The following AUTS2 variants were observed in gnomAD, a reference collection of about 807,000 sequenced individuals.
AUTS2 encodes the protein autism susceptibility gene 2 protein.
A neutral mutation model predicts 112.4 loss-of-function variants in AUTS2; 17 were observed. The observed-to-expected ratio is 0.15, with a 90% CI of 0.10 to 0.23. AUTS2 has a LOEUF of 0.23. Ranked by LOEUF, AUTS2 falls within the 10% of genes least tolerant of loss-of-function variation. The pLI, the probability that AUTS2 is intolerant of heterozygous loss-of-function variation, is 1.00. For missense variants in AUTS2, 1,510 were observed against 1,701.6 expected (o/e 0.89, Z 1.98); for synonymous variants, 751 against 702.7 (o/e 1.07, Z -1.09).
At chr7:70,590,879 T>A (rs552595152) in intron 5 of AUTS2, among the ~76,000 whole-genome samples, 24 of 152,282 alleles carry the variant, frequency 1.6e-4, no homozygotes, top group African/African-American at 5.1e-4. Context: ...CCTTTCAGAG[T>A]GCCATCGGTT....
chr7:70,174,730 G>A (rs1808893151), intron 4 of AUTS2, among the ~76,000 whole-genome samples: 1 of 152,178 alleles, frequency 6.6e-6, no homozygotes, highest in South Asian at 2.1e-4. Flanking sequence ...AAGCTGGGAT[G>A]ACAGCACATC....
At chr7:69,911,376 A>G (rs1046164109) in intron 2 of AUTS2, among the ~76,000 whole-genome samples, 2 of 152,172 alleles carry the variant, frequency 1.3e-5, no homozygotes, top group Non-Finnish European at 2.9e-5. Context: ...GGGCTCCCTA[A>G]AGGGCCGCAG....
At chr7:70,096,766 G>A (rs1804229811) in intron 2 of AUTS2, among the ~76,000 whole-genome samples, 1 of 152,066 alleles carries the variant, frequency 6.6e-6, no homozygotes, top group Non-Finnish European at 1.5e-5. Flanking sequence ...TCAGAAGGAG[G>A]ATAATGCTGA....
intron 5 of AUTS2, among the ~76,000 whole-genome samples, chr7:70,467,753 T>C (rs1455907148): frequency 6.6e-6 from 1 of 152,194 alleles, no homozygotes; most frequent in Non-Finnish European, 1.5e-5. Context: ...ACTGGCATCT[T>C]ACAGGCCTGA....
intron 5 of AUTS2, among the ~76,000 whole-genome samples, chr7:70,677,866 A>G (rs1807999541): frequency 6.6e-6 from 1 of 152,032 alleles, no homozygotes; most frequent in East Asian, 1.9e-4. Flanking sequence ...GGTGGATCAC[A>G]AGGTCAGGAG....
At chr7:69,827,995 G>T (rs1056559253) in intron 1 of AUTS2, among the ~76,000 whole-genome samples, 6 of 152,210 alleles carry the variant, frequency 3.9e-5, no homozygotes, top group Middle Eastern at 3.2e-3. Flanking sequence ...CATAATACAG[G>T]CTGGGGACCA....
chr7:69,915,698 G>A (rs1795548903), intron 2 of AUTS2, among the ~76,000 whole-genome samples: 1 of 152,144 alleles, frequency 6.6e-6, no homozygotes, highest in Non-Finnish European at 1.5e-5. Context: ...GATGCAAGTA[G>A]ACCTTCAGAA....
chr7:70,325,314 C>T (rs1451309006), intron 4 of AUTS2, among the ~76,000 whole-genome samples: 1 of 151,946 alleles, frequency 6.6e-6, no homozygotes, highest in Non-Finnish European at 1.5e-5. Context: ...ACAGAGCAAG[C>T]CCCTGTCTCT....
chr7:70,342,811 A>G (rs1791327952), intron 4 of AUTS2, among the ~76,000 whole-genome samples: 1 of 152,178 alleles, frequency 6.6e-6, no homozygotes, highest in Non-Finnish European at 1.5e-5. Flanking sequence ...CTTAAAAGCA[A>G]TCAGACTTTT....
At chr7:69,846,870 G>A (rs118073949) in intron 1 of AUTS2, among the ~76,000 whole-genome samples, 4,387 of 152,254 alleles carry the variant, frequency 0.029, 108 homozygotes, top group Middle Eastern at 0.065. Flanking sequence ...ACCACACCCG[G>A]CCCCCACATC....
chr7:69,833,160 G>A (rs543282717), intron 1 of AUTS2, among the ~76,000 whole-genome samples: 6 of 152,204 alleles, frequency 3.9e-5, no homozygotes, highest in African/African-American at 1.4e-4. Context: ...TCTGGAAAAG[G>A]GCCTGAGAAT....
At chr7:70,452,815 C>G (rs545662259) in intron 5 of AUTS2, among the ~76,000 whole-genome samples, 1 of 152,240 alleles carries the variant, frequency 6.6e-6, no homozygotes, top group Non-Finnish European at 1.5e-5. Context: ...GCGGTGGGCC[C>G]CCAAGGGAAG....
intron 13 of AUTS2, 69 bp from the exon 14 acceptor site, chr7:70,777,034 T>G: frequency 6.7e-7 from 1 of 1,487,626 alleles, no homozygotes; most frequent in Non-Finnish European, 9.4e-7. Flanking sequence ...GCTGAAAGCT[T>G]TGGGGAAATT....
rs550880816 is a variant in AUTS2 at position 70,364,121 on chromosome 7, A to G, written c.661-71631A>G. On this transcript the variant is annotated intron_variant, in intron 4 of 18. Coordinates refer to ENST00000342771, the MANE Select transcript of AUTS2 (RefSeq NM_015570.4). ...AGTTGATGGTGATCATATGCCTTCA[A>G]ATATCATGTTGACAATTATCACGTT... 3.9e-5 allele frequency among the ~76,000 whole-genome samples: 6 copies of G among 152,340 alleles called. No individual in the cohort carries two copies. In the East Asian group the frequency reaches 9.6e-4, roughly 24 times the overall value.
chr7:70,540,168 A>T (rs1034776961), intron 5 of AUTS2, among the ~76,000 whole-genome samples: 51 of 152,010 alleles, frequency 3.4e-4, no homozygotes, highest in African/African-American at 1.2e-3. Context: ...AGTGTCTCAT[A>T]GTCCTTCTTG....
intron 5 of AUTS2, among the ~76,000 whole-genome samples, chr7:70,557,313 G>A (rs559000719): frequency 3.6e-4 from 55 of 152,266 alleles, no homozygotes; most frequent in Middle Eastern, 3.4e-3. Context: ...TCCAGAGGAG[G>A]TCACATGTGC....
intron 1 of AUTS2, among the ~76,000 whole-genome samples, chr7:69,812,309 A>G (rs969459727): frequency 2.0e-5 from 3 of 152,202 alleles, no homozygotes; most frequent in Non-Finnish European, 4.4e-5. Flanking sequence ...AACAAGTGAT[A>G]CTATGTTTAA....
intron 2 of AUTS2, among the ~76,000 whole-genome samples, chr7:69,908,907 G>T (rs1489957375): frequency 6.6e-6 from 1 of 152,100 alleles, no homozygotes; most frequent in Admixed American, 6.5e-5. Context: ...AGCAACTGTG[G>T]ATCTTTTGTT....
chr7:70,086,931 T>C (rs1454234522), intron 2 of AUTS2, among the ~76,000 whole-genome samples: 1 of 116,486 alleles, frequency 8.6e-6, no homozygotes, highest in Non-Finnish European at 2.0e-5. Flanking sequence ...ATAATTTTCC[T>C]TTTTTTTTTT....
Sources: gnomAD v4.1 joint callset for allele counts (sites outside exome capture counted in the v4.1 genomes callset) on GRCh38, gnomAD v4.1.1 for gene constraint, MANE v1.5 for transcripts, NCBI Gene and HGNC (gene_info 2026-07-23, HGNC 2026-07-21) for gene names.